Variants in SMARCD1 observed in about 807,000 individuals in gnomAD.
SMARCD1 encodes the protein SWI/SNF-related matrix-associated actin-dependent regulator of chromatin subfamily D member 1.
Under a neutral mutation model 70.8 loss-of-function variants are expected in SMARCD1, and 16 were observed. That is an observed-to-expected ratio of 0.23 (90% CI 0.15 to 0.34). SMARCD1 has a LOEUF of 0.34. Ranked by LOEUF, SMARCD1 falls within the 10% of genes least tolerant of loss-of-function variation. The pLI is 1.00. For synonymous variants in SMARCD1, 249 were observed against 246.0 expected (o/e 1.01, Z -0.11); for missense variants, 409 against 655.5 (o/e 0.62, Z 4.11).
rs1373495215 is a variant in SMARCD1, at chr12:50,086,217, C to A, written c.234C>A (p.Pro78=). 1 of 1,608,272 alleles carries A rather than the reference C, an allele frequency of 6.2e-7. No homozygotes were observed. The highest frequency in any genetic ancestry group is 1.3e-5 in the African/African-American group (1 of 74,880). Residue 78 remains proline (P), a synonymous_variant, in exon 2 of 13, where the codon CCC becomes CCA. Coordinates refer to ENST00000394963, the MANE Select transcript of SMARCD1 (RefSeq NM_003076.5). ...CACCTCAGGGACCTTCCATGGGACC[C>A]CCTGGCTATGGGGGGAACCCTTCAG... ...RMTPQGPSMG[P]PGYGGNPSVR...
intron 2 of SMARCD1, 67 bp from the exon 3 acceptor site, chr12:50,086,554 C>T (rs989473170): frequency 6.7e-7 from 1 of 1,502,844 alleles, no homozygotes; most frequent in Non-Finnish European, 9.3e-7. Context: ...AATGGACGTG[C>T]TGACAGCTTA....
chr12:50,099,476 T>G lies in SMARCD1; in HGVS notation c.*476T>G. On this transcript the variant is annotated 3_prime_UTR_variant, in exon 13 of 13. Transcript: ENST00000394963. The stretch of plus-strand genomic sequence containing the variant: ...GATAACAGAATCCAATTTCCTTCCT[T>G]CCCTCCACAGGTTTGGAACAAACTC... The G allele has an allele frequency of 2.5e-6, 1 of 405,156 alleles. No individual in the cohort carries two copies. The allele number at this position is 405,156 out of a possible 1,614,324, so 25.1% of individuals were successfully genotyped here. A position where few individuals can be genotyped will look rare whatever the true frequency, so the allele number is the denominator to read the frequency against.
In SMARCD1 at chr12:50,086,660, A is replaced by G; in HGVS notation, c.405A>G (p.Gln135=). ...KKKMADKILP[Q]RIRELVPESQ... ...AGATGGCTGACAAAATTCTACCTCA[A>G]AGGGTGAGTCCAGGCTATATGTCTT... The change falls in exon 3 of 13, where the codon CAA becomes CAG. Residue 135 remains glutamine, a synonymous_variant. Coordinates refer to ENST00000394963, the MANE Select transcript of SMARCD1 (RefSeq NM_003076.5). The G allele has an allele frequency of 1.2e-6, 2 of 1,614,144 alleles. No individual in the cohort carries two copies. Among genetic ancestry groups the G allele is most frequent in the South Asian group, 1.1e-5 (1 of 91,086 alleles).
Position 50,087,468 on chromosome 12 carries a change from G to T in SMARCD1, c.637G>T (p.Gly213Ter). Residue 213 changes from glycine to a stop codon, truncating the protein, a stop_gained, in exon 5 of 13, where the codon GGA becomes TGA. Transcript: ENST00000394963. LOFTEE classifies it high-confidence loss of function. ...GGCTTCCTGGGAGCTTCGGGTAGAA[G>T]GACGGCTCCTGGAGGATGTGAGTTC... ...TVASWELRVE[G>*]RLLEDSALSK... 6.2e-7 allele frequency: 1 copy of T among 1,613,986 alleles called. No homozygotes were observed. Among genetic ancestry groups the T allele is most frequent in the Non-Finnish European group, 8.5e-7 (1 of 1,179,912 alleles).
At position 50,086,149 on chromosome 12, in the gene SMARCD1, T is replaced by A; in HGVS notation, c.178-12T>A. 1 of 1,488,356 alleles carries A rather than the reference T, an allele frequency of 6.7e-7. No individual in the cohort carries two copies. Among genetic ancestry groups the A allele is most frequent in the South Asian group, 1.4e-5 (1 of 70,490 alleles). 92.2% of individuals were successfully genotyped at this position (1,488,356 alleles called of 1,614,324 possible). On this transcript the variant is annotated splice_polypyrimidine_tract_variant and intron_variant, in intron 1 of 12. Transcript: ENST00000394963. ...GAAACCATGACATCTCTGGGTCCTCTCCCCTCTGTAGAGACCAGGTATGTT... is the reference window on the plus strand; with the variant it reads ...GAAACCATGACATCTCTGGGTCCTCACCCCTCTGTAGAGACCAGGTATGTT...
At chr12:50,093,381 G>A (rs942642137) in intron 9 of SMARCD1, among the ~76,000 whole-genome samples, 3 of 152,020 alleles carry the variant, frequency 2.0e-5, no homozygotes, top group Admixed American at 6.5e-5. Context: ...CCACACTAGC[G>A]TTGAATTCCT....
rs758191233 is a variant in SMARCD1 at position 50,085,392 on chromosome 12, A to G, written c.23A>G (p.Gln8Arg). The stretch of plus-strand genomic sequence containing the variant: ...AAGATGGCGGCCCGGGCGGGTTTCC[A>G]GTCTGTGGCTCCAAGCGGCGGCGCC... The part of the protein sequence containing the change: MAARAGF[Q>R]SVAPSGGAGA... Residue 8 changes from glutamine to arginine, a missense_variant, in exon 1 of 13, where the codon CAG becomes CGG. Physicochemically the swap from Gln to Arg is conservative, Grantham distance 43. Transcript: ENST00000394963. 1 of 1,262,616 alleles carries G rather than the reference A, an allele frequency of 7.9e-7. No homozygotes were observed. Among genetic ancestry groups the G allele is most frequent in the Admixed American group, 3.5e-5 (1 of 28,516 alleles). The allele number at this position is 1,262,616 out of a possible 1,614,324, so 78.2% of individuals were successfully genotyped here.
intron 10 of SMARCD1, among the ~76,000 whole-genome samples, chr12:50,095,015 C>T (rs1166840682): frequency 6.6e-6 from 1 of 152,190 alleles, no homozygotes; most frequent in African/African-American, 2.4e-5. Context: ...CCAGGCTGGT[C>T]TCCAACTCCT....
chr12:50,086,346 CAAGT>C lies in SMARCD1; in HGVS notation c.365+2_365+5del, dbSNP rs1294975422. 1 of 1,232,762 alleles carries C rather than the reference CAAGT, an allele frequency of 8.1e-7. No individual in the cohort carries two copies. The highest frequency in any genetic ancestry group is 1.5e-5 in the African/African-American group (1 of 65,026). 76.4% of individuals were successfully genotyped at this position (1,232,762 alleles called of 1,614,324 possible). ...AGCAGGCGGTCCAAAATCGAAACCA[CAAGT>C]AAGATGATCCTGGGGCAGAGGGAGG... On this transcript the variant is annotated splice_donor_variant and coding_sequence_variant, in exon 2 of 13. Transcript: ENST00000394963. LOFTEE classifies it high-confidence loss of function.
Position 50,099,085 on chromosome 12 carries a change from T to TG in SMARCD1, c.*86dup. 7.6e-7 allele frequency: 1 copy of TG among 1,307,786 alleles called. No homozygotes were observed. The highest frequency in any genetic ancestry group is 1.1e-6 in the Non-Finnish European group (1 of 904,422). 81.0% of individuals were successfully genotyped at this position (1,307,786 alleles called of 1,614,324 possible). A position where few individuals can be genotyped will look rare whatever the true frequency, so the allele number is the denominator to read the frequency against. Reference sequence around the variant, plus strand: ...TGCCTCATAGTATCTGCCTTGGTCTTGCTTGGGGCGTTCCAGGGGATGCTG... The same window carrying TG: ...TGCCTCATAGTATCTGCCTTGGTCTTGGCTTGGGGCGTTCCAGGGGATGCTG... On this transcript the variant is annotated 3_prime_UTR_variant, in exon 13 of 13. Coordinates refer to ENST00000394963, the MANE Select transcript of SMARCD1 (RefSeq NM_003076.5).
At chr12:50,094,948 C>T (rs1235787281) in intron 10 of SMARCD1, among the ~76,000 whole-genome samples, 3 of 152,308 alleles carry the variant, frequency 2.0e-5, no homozygotes, top group South Asian at 4.1e-4. Flanking sequence ...CAGTCACCCA[C>T]CATCACACCC....
At chr12:50,087,761 A>G (rs544735548) in intron 5 of SMARCD1, among the ~76,000 whole-genome samples, 2 of 151,694 alleles carry the variant, frequency 1.3e-5, no homozygotes, top group South Asian at 4.2e-4. Context: ...ATTTAGCCAT[A>G]TCTGTAGATT....
Position 50,086,953 on chromosome 12 carries a change from T to G in SMARCD1, c.531+75T>G. 10 of 1,465,238 alleles carry G rather than the reference T, an allele frequency of 6.8e-6. 1 individual carries two copies. In the South Asian group the frequency reaches 1.2e-4, roughly 17 times the overall value. 90.8% of individuals were successfully genotyped at this position (1,465,238 alleles called of 1,614,324 possible). On this transcript the variant is annotated intron_variant, in intron 4 of 12. Transcript: ENST00000394963. ...CCTTCAGCAGAATTAGGATGAGAAATCAAAGGCACAGCACAACTCTCCTTG... is the reference window on the plus strand; with the variant it reads ...CCTTCAGCAGAATTAGGATGAGAAAGCAAAGGCACAGCACAACTCTCCTTG...
chr12:50,085,348 C>T lies in SMARCD1; in HGVS notation c.-22C>T. On this transcript the variant is annotated 5_prime_UTR_variant, in exon 1 of 13. Coordinates refer to ENST00000394963, the MANE Select transcript of SMARCD1 (RefSeq NM_003076.5). The stretch of plus-strand genomic sequence containing the variant: ...GTTCCGGTTCCGGTTCTTTGTGCGG[C>T]TGCATCGGCGGCTCCGGGAAGATGG... 3 of 1,262,674 alleles carry T rather than the reference C, an allele frequency of 2.4e-6. No homozygotes were observed. The highest frequency in any genetic ancestry group is 2.0e-6 in the Non-Finnish European group (2 of 1,005,852). The allele number at this position is 1,262,674 out of a possible 1,614,324, so 78.2% of individuals were successfully genotyped here.
intron 6 of SMARCD1, 114 bp from the exon 7 acceptor site, chr12:50,089,767 ACTC>A (rs1950824416): frequency 4.4e-6 from 3 of 682,780 alleles, no homozygotes; most frequent in Non-Finnish European, 7.7e-6. Flanking sequence ...TCATGCTATT[ACTC>A]TTCTCCAGTA....
At chr12:50,091,134 G>A (rs922768699) in intron 9 of SMARCD1, among the ~76,000 whole-genome samples, 1 of 151,910 alleles carries the variant, frequency 6.6e-6, no homozygotes, top group Non-Finnish European at 1.5e-5. Context: ...GAGCCACCGC[G>A]CCCAGCCTGT....
intron 5 of SMARCD1, 187 bp from the exon 6 acceptor site, chr12:50,088,329 TCAGGG>T: frequency 2.9e-6 from 2 of 698,762 alleles, no homozygotes; most frequent in East Asian, 5.4e-5. Flanking sequence ...GGCTGCTTCT[TCAGGG>T]TTCTGTTGCT....
intron 9 of SMARCD1, among the ~76,000 whole-genome samples, chr12:50,092,235 C>CTTTTTTTTTTTTTTTTTTTTTTTTTTTTT (rs60619880): frequency 2.0e-4 from 18 of 91,156 alleles, no homozygotes; most frequent in Non-Finnish European, 2.6e-4. Context: ...TTCTTTCTTT[C>CTTTTTTTTTTTTTTTTTTTTTTTTTTTTT]TTTTTTTTTT....
At chr12:50,092,897 GC>G (rs1013170244) in intron 9 of SMARCD1, among the ~76,000 whole-genome samples, 1 of 151,940 alleles carries the variant, frequency 6.6e-6, no homozygotes, top group Admixed American at 6.6e-5. Flanking sequence ...GATTTGTTTG[GC>G]TGGGCGCAGT....
Sources: gnomAD v4.1 joint callset for allele counts (sites outside exome capture counted in the v4.1 genomes callset) on GRCh38, gnomAD v4.1.1 for gene constraint, MANE v1.5 for transcripts, NCBI Gene and HGNC (gene_info 2026-07-23, HGNC 2026-07-21) for gene names.